Variants in DYRK1A observed in about 807,000 individuals in gnomAD.
DYRK1A encodes the protein dual specificity tyrosine phosphorylation regulated kinase 1A.
Under a neutral mutation model 79.7 loss-of-function variants are expected in DYRK1A, and 9 were observed. The observed-to-expected ratio is 0.11, with a 90% CI of 0.07 to 0.20. The LOEUF (loss-of-function observed/expected upper bound fraction) is 0.20. DYRK1A is among the 10% of genes least tolerant of loss of function. DYRK1A has a pLI of 1.00. For missense variants in DYRK1A, 622 were observed against 956.0 expected, an observed-to-expected ratio of 0.65 and a Z score of 4.61; for synonymous variants, 349 against 329.7, an observed-to-expected ratio of 1.06 and a Z score of -0.63.
chr21:37,405,323 C>T (rs182324868), intron 1 of DYRK1A, among the ~76,000 whole-genome samples: 1 of 152,256 alleles, frequency 6.6e-6, no homozygotes, highest in Non-Finnish European at 1.5e-5. Context: ...GTTCTTTTAT[C>T]TATTTTCTGC....
intron 1 of DYRK1A, among the ~76,000 whole-genome samples, chr21:37,382,242 T>G (rs1273505745): frequency 1.3e-5 from 2 of 151,872 alleles, no homozygotes; most frequent in African/African-American, 4.8e-5. Flanking sequence ...AAATTTTTTT[T>G]TATAGTGATC....
intron 2 of DYRK1A, among the ~76,000 whole-genome samples, chr21:37,462,920 A>C (rs1385639953): frequency 6.6e-6 from 1 of 152,186 alleles, no homozygotes; most frequent in Non-Finnish European, 1.5e-5. Flanking sequence ...TTAGTTGTTT[A>C]TGATGAATGA....
chr21:37,388,326 C>T (rs1278911671), intron 1 of DYRK1A, among the ~76,000 whole-genome samples: 1 of 151,784 alleles, frequency 6.6e-6, no homozygotes, highest in African/African-American at 2.4e-5. Flanking sequence ...TCAAGCAGTC[C>T]ACCCACCTTG....
At chr21:37,440,153 T>TTTTTTTTTTTTTTTTTTTTTTTTTTTTG (rs61289767) in intron 2 of DYRK1A, among the ~76,000 whole-genome samples, 1 of 122,050 alleles carries the variant, frequency 8.2e-6, no homozygotes, top group African/African-American at 3.1e-5. Flanking sequence ...TTTTTTTTTT[T>TTTTTTTTTTTTTTTTTTTTTTTTTTTTG]GAGACGGAGT....
intron 2 of DYRK1A, among the ~76,000 whole-genome samples, chr21:37,466,405 A>G (rs2052026928): frequency 6.6e-6 from 1 of 152,244 alleles, no homozygotes; most frequent in African/African-American, 2.4e-5. Context: ...GGGAGATGAT[A>G]TAAAAAATTC....
At chr21:37,369,057 TTA>T (rs1300302949) in intron 1 of DYRK1A, among the ~76,000 whole-genome samples, 2 of 152,256 alleles carry the variant, frequency 1.3e-5, no homozygotes, top group Non-Finnish European at 2.9e-5. Flanking sequence ...ACAATTTTGA[TTA>T]TAGTCATTTT....
At chr21:37,457,041 T>TTACTTAGTTAC (rs1569339620) in intron 2 of DYRK1A, among the ~76,000 whole-genome samples, 39 of 46,986 alleles carry the variant, frequency 8.3e-4, no homozygotes, top group Admixed American at 1.5e-3. Flanking sequence ...TACTTACTTA[T>TTACTTAGTTAC]TTATTTATTT....
chr21:37,472,394 T>G (rs1230442486), intron 2 of DYRK1A, among the ~76,000 whole-genome samples: 1 of 152,226 alleles, frequency 6.6e-6, no homozygotes, highest in Non-Finnish European at 1.5e-5. Context: ...TCTTAATTTA[T>G]GAAAATCTCG....
At chr21:37,486,678 C>A in intron 6 of DYRK1A, 64 bp downstream of exon 6, 1 of 1,335,214 alleles carries the variant, frequency 7.5e-7, no homozygotes, top group Non-Finnish European at 9.8e-7. Context: ...GTTAATGGTT[C>A]TTTTCTATCA....
intron 2 of DYRK1A, among the ~76,000 whole-genome samples, chr21:37,441,447 C>T (rs748299460): frequency 1.9e-4 from 29 of 152,030 alleles, no homozygotes; most frequent in Non-Finnish European, 3.8e-4. Context: ...TTTGTGTTGT[C>T]TGTTTTTCCC....
chr21:37,430,265 T>C (rs959856363), intron 2 of DYRK1A: 1 of 956,840 alleles, frequency 1.0e-6, no homozygotes, highest in Non-Finnish European at 1.2e-6. Flanking sequence ...TATTTTTGTC[T>C]TAGAATCTTC....
At chr21:37,469,895 C>G (rs941503086) in intron 2 of DYRK1A, among the ~76,000 whole-genome samples, 1 of 152,156 alleles carries the variant, frequency 6.6e-6, no homozygotes, top group Non-Finnish European at 1.5e-5. Flanking sequence ...CCTGTAATCC[C>G]AGCACTTTGG....
intron 1 of DYRK1A, among the ~76,000 whole-genome samples, chr21:37,403,829 G>C (rs948411517): frequency 1.3e-5 from 2 of 149,568 alleles, no homozygotes; most frequent in African/African-American, 4.9e-5. Context: ...TAAGAAGGTT[G>C]ATTTTTGTTC....
intron 11 of DYRK1A, 41 bp from the exon 12 acceptor site, chr21:37,511,870 A>G (rs762844341): frequency 1.3e-6 from 2 of 1,585,956 alleles, no homozygotes; most frequent in Non-Finnish European, 1.7e-6. Flanking sequence ...AAGCTTGGAA[A>G]CAGTCCTCTG....
intron 9 of DYRK1A, chr21:37,502,011 C>T (rs2053465110): frequency 6.6e-6 from 1 of 152,106 alleles, no homozygotes; most frequent in African/African-American, 2.4e-5. Context: ...TCATGTTTGT[C>T]TTTAAGTCTG....
At chr21:37,485,065 A>C (rs1294749731) in intron 5 of DYRK1A, among the ~76,000 whole-genome samples, 1 of 152,088 alleles carries the variant, frequency 6.6e-6, no homozygotes, top group East Asian at 1.9e-4. Context: ...TTTCTTGGGG[A>C]GCTTACCCAA....
chr21:37,482,287 CT>C (rs2052674299), intron 5 of DYRK1A, among the ~76,000 whole-genome samples: 1 of 152,140 alleles, frequency 6.6e-6, no homozygotes, highest in Non-Finnish European at 1.5e-5. Context: ...CATGTAGGTT[CT>C]TTTCTATTTT....
chr21:37,384,744 G>C (rs1043394561), intron 1 of DYRK1A, among the ~76,000 whole-genome samples: 7 of 152,178 alleles, frequency 4.6e-5, no homozygotes, highest in Non-Finnish European at 1.0e-4. Context: ...TATTAAAACA[G>C]TTATTGTATT....
intron 1 of DYRK1A, among the ~76,000 whole-genome samples, chr21:37,379,683 A>T (rs1171389413): frequency 6.6e-6 from 1 of 152,242 alleles, no homozygotes; most frequent in African/African-American, 2.4e-5. Flanking sequence ...AGGTTGTATC[A>T]TAATTCATGG....
Sources: allele counts gnomAD v4.1 joint callset (sites outside exome capture counted in the v4.1 genomes callset), GRCh38; gene constraint gnomAD v4.1.1; transcripts MANE v1.5; gene names NCBI Gene and HGNC (gene_info 2026-07-23, HGNC 2026-07-21).